Variants in SNX29 observed in about 807,000 individuals in gnomAD.
SNX29 encodes sorting nexin-29.
A neutral mutation model predicts 102.1 loss-of-function variants in SNX29; 78 were observed. The observed-to-expected ratio is 0.76, with a 90% CI of 0.64 to 0.92. The LOEUF is 0.92. Among genes scored for constraint, SNX29 ranks in the 40% least tolerant of loss-of-function variants. The pLI is 0.00. For synonymous variants in SNX29, 580 were observed against 414.5 expected (o/e 1.40, Z -4.85); for missense variants, 1,280 against 1,061.7 (o/e 1.21, Z -2.86).
rs1186601498 is a variant in SNX29 at position 12,571,004 on chromosome 16, G to C, written c.*2375G>C. The C allele has an allele frequency of 1.3e-5, 3 of 232,590 alleles. No homozygotes were observed. The highest frequency in any genetic ancestry group is 1.1e-4 in the Admixed American group (2 of 17,766). The allele number at this position is 232,590 out of a possible 1,614,324, so 14.4% of individuals were successfully genotyped here. A position where few individuals can be genotyped will look rare whatever the true frequency, so the allele number is the denominator to read the frequency against. ...CCCCCATGATCATGCACAGACCGTA[G>C]AGTCGAGTCATCTCGCAGATCCAGA... On this transcript the variant is annotated 3_prime_UTR_variant, in exon 21 of 21. Transcript: ENST00000566228.
chr16:12,271,961 T>G (rs1330779538), intron 14 of SNX29, among the ~76,000 whole-genome samples: 2 of 152,112 alleles, frequency 1.3e-5, no homozygotes, highest in Non-Finnish European at 2.9e-5. Context: ...ATGGGAAAAG[T>G]ATGATATAGT....
chr16:12,357,118 A>G (rs556574402), intron 16 of SNX29, among the ~76,000 whole-genome samples: 1 of 152,370 alleles, frequency 6.6e-6, no homozygotes, highest in South Asian at 2.1e-4. Flanking sequence ...GTGCAGACAT[A>G]TAATAGCTTC....
intron 20 of SNX29, among the ~76,000 whole-genome samples, chr16:12,546,089 C>T (rs549398371): frequency 3.3e-5 from 5 of 152,302 alleles, no homozygotes; most frequent in Middle Eastern, 3.4e-3. Context: ...CAGTCTCTCA[C>T]TTCACTGTGT....
chr16:12,025,811 G>A (rs1380234781), intron 3 of SNX29, among the ~76,000 whole-genome samples: 1 of 152,214 alleles, frequency 6.6e-6, no homozygotes, highest in African/African-American at 2.4e-5. Flanking sequence ...TTAGAATAAA[G>A]GATGTTTTTC....
At chr16:12,283,355 C>CTT (rs1360672097) in intron 15 of SNX29, among the ~76,000 whole-genome samples, 1 of 147,082 alleles carries the variant, frequency 6.8e-6, no homozygotes, top group East Asian at 2.2e-4. Context: ...GAGCCTCACT[C>CTT]TGTCACCAGG....
chr16:12,567,370 A>C (rs751573476), intron 20 of SNX29, among the ~76,000 whole-genome samples: 5 of 152,148 alleles, frequency 3.3e-5, no homozygotes, highest in Non-Finnish European at 7.3e-5. Flanking sequence ...TTGTTTTAAA[A>C]CATTTTATCC....
Position 12,291,814 on chromosome 16 carries a change from C to T in SNX29, c.1782+13778C>T, listed in dbSNP as rs186554257. Among the ~76,000 whole-genome samples, 146 of 152,218 alleles carry T rather than the reference C, an allele frequency of 9.6e-4. 1 individual carries two copies. Among genetic ancestry groups the T allele is most frequent in the South Asian group, 2.3e-3 (11 of 4,818 alleles). The stretch of plus-strand genomic sequence containing the variant: ...AAACTGGGACTGTTGCTAGGGGAAG[C>T]GGATGCCATGGTGGCAGAAAACCAA... On this transcript the variant is annotated intron_variant, in intron 15 of 20. Transcript: ENST00000566228.
chr16:12,546,147 C>G (rs900990786), intron 20 of SNX29: 21 of 152,330 alleles, frequency 1.4e-4, no homozygotes, highest in African/African-American at 4.6e-4. Context: ...AGCTAATAAC[C>G]TCCACCTGGT....
chr16:12,565,432 G>A lies in SNX29; in HGVS notation c.2319-3074G>A, dbSNP rs528555139. 3.0e-3 allele frequency among the ~76,000 whole-genome samples: 417 copies of A among 137,830 alleles called. 1 individual carries two copies. The highest frequency in any genetic ancestry group is 0.011 in the African/African-American group (393 of 34,582). The allele number at this position is 137,830 out of a possible 152,430, so 90.4% of individuals were successfully genotyped here. ...TCCCAAATGAAGCCCATCCTCCCGT[G>A]GCCTCACCTGCCCCCTCCTCATCCT... is the stretch of plus-strand genomic sequence containing the variant. On this transcript the variant is annotated intron_variant, in intron 20 of 20. Transcript: ENST00000566228.
chr16:12,561,695 C>G (rs12925835), intron 20 of SNX29, among the ~76,000 whole-genome samples: 39,992 of 152,046 alleles, frequency 0.26, 5,878 homozygotes, highest in East Asian at 0.44. Context: ...CCCCTTTTCC[C>G]CAACTCCCCA....
chr16:12,320,973 T>TC (rs1200640001), intron 15 of SNX29, among the ~76,000 whole-genome samples: 1 of 152,168 alleles, frequency 6.6e-6, no homozygotes, highest in Non-Finnish European at 1.5e-5. Context: ...TCGTTATCTG[T>TC]CCATAGAGCA....
chr16:12,428,889 G>A lies in SNX29; in HGVS notation c.2037+25360G>A, dbSNP rs940234293. 3.9e-5 allele frequency among the ~76,000 whole-genome samples: 6 copies of A among 152,108 alleles called. No individual in the cohort carries two copies. The East Asian group carries it at 9.6e-4, about 24-fold the overall frequency. ...TTAGTCTCACCACACAGATACGATT[G>A]CAATTAATATCTCCTAGTTAATCCC... On this transcript the variant is annotated intron_variant, in intron 18 of 20. Coordinates refer to ENST00000566228, the MANE Select transcript of SNX29 (RefSeq NM_032167.5).
chr16:12,184,421 G>T (rs1343965897), intron 13 of SNX29, among the ~76,000 whole-genome samples: 2 of 152,232 alleles, frequency 1.3e-5, no homozygotes, highest in Non-Finnish European at 2.9e-5. Context: ...TGGTTTTCAG[G>T]AGGTCATGGC....
intron 8 of SNX29, among the ~76,000 whole-genome samples, chr16:12,056,354 G>T (rs1412800261): frequency 6.6e-6 from 1 of 152,218 alleles, no homozygotes; most frequent in Non-Finnish European, 1.5e-5. Flanking sequence ...TCTGAAGCCA[G>T]AGGGCCTCCT....
intron 13 of SNX29, among the ~76,000 whole-genome samples, chr16:12,165,141 T>C (rs941246146): frequency 2.6e-5 from 4 of 152,080 alleles, no homozygotes; most frequent in Non-Finnish European, 5.9e-5. Context: ...TGGCATCTTA[T>C]TAAGTGGGAA....
At chr16:12,442,404 T>C (rs1437567060) in intron 18 of SNX29, among the ~76,000 whole-genome samples, 1 of 152,168 alleles carries the variant, frequency 6.6e-6, no homozygotes, top group Non-Finnish European at 1.5e-5. Context: ...TTCCCTTCTC[T>C]CCTTTTATCT....
intron 14 of SNX29, among the ~76,000 whole-genome samples, chr16:12,248,208 C>G (rs957077130): frequency 4.6e-5 from 7 of 152,182 alleles, no homozygotes; most frequent in African/African-American, 1.7e-4. Flanking sequence ...CAATCATATC[C>G]TGAGCCTGGC....
chr16:12,301,492 C>T (rs190871378), intron 15 of SNX29, among the ~76,000 whole-genome samples: 145 of 152,380 alleles, frequency 9.5e-4, no homozygotes, highest in African/African-American at 3.5e-3. Flanking sequence ...TCAGTGTCAC[C>T]GCCTCAGTGA....
intron 13 of SNX29, among the ~76,000 whole-genome samples, chr16:12,155,833 A>G (rs1368945403): frequency 6.6e-6 from 1 of 152,190 alleles, no homozygotes; most frequent in African/African-American, 2.4e-5. Flanking sequence ...ACACTGCTGC[A>G]AGGAAGGGTC....
Sources: gnomAD v4.1 joint callset for allele counts (sites outside exome capture counted in the v4.1 genomes callset) on GRCh38, gnomAD v4.1.1 for gene constraint, MANE v1.5 for transcripts, NCBI Gene and HGNC (gene_info 2026-07-23, HGNC 2026-07-21) for gene names.